B3GALT1: variants seen among roughly 807,000 people sequenced by gnomAD.
B3GALT1 encodes UDP-Gal:betaGlcNAc beta 1,3-galactosyltransferase, polypeptide 1.
A neutral mutation model predicts 23.2 loss-of-function variants in B3GALT1; 10 were observed. The observed-to-expected ratio is 0.43, with a 90% CI of 0.27 to 0.73. The LOEUF (loss-of-function observed/expected upper bound fraction) is 0.73. Among genes scored for constraint, B3GALT1 ranks in the 30% least tolerant of loss-of-function variants. The pLI, the probability that B3GALT1 is intolerant of heterozygous loss-of-function variation, is 0.21. For missense variants in B3GALT1, 299 were observed against 405.4 expected, an observed-to-expected ratio of 0.74 and a Z score of 2.25; for synonymous variants, 156 against 141.5, an observed-to-expected ratio of 1.10 and a Z score of -0.73.
chr2:167,613,487 A>G (rs1456581593), intron 2 of B3GALT1, among the ~76,000 whole-genome samples: 1 of 151,544 alleles, frequency 6.6e-6, no homozygotes, highest in East Asian at 1.9e-4. Flanking sequence ...GAAACAAAAC[A>G]TATGAAAACC....
chr2:167,717,275 A>G (rs1230047172), intron 3 of B3GALT1, among the ~76,000 whole-genome samples: 1 of 148,076 alleles, frequency 6.8e-6, no homozygotes, highest in African/African-American at 2.5e-5. Flanking sequence ...ATTAACTCCA[A>G]TATCTGGATT....
chr2:167,303,366 C>G (rs1192520459), intron 1 of B3GALT1, among the ~76,000 whole-genome samples: 1 of 152,150 alleles, frequency 6.6e-6, no homozygotes, highest in African/African-American at 2.4e-5. Flanking sequence ...GGTAACCACT[C>G]CTACCAGTTT....
chr2:167,864,982 G>A (rs983469981), intron 4 of B3GALT1, among the ~76,000 whole-genome samples: 2 of 151,932 alleles, frequency 1.3e-5, no homozygotes, highest in East Asian at 1.9e-4. Context: ...AAAAAAAGGT[G>A]TTTATAAACT....
intron 3 of B3GALT1, among the ~76,000 whole-genome samples, chr2:167,797,101 T>C (rs1688557043): frequency 6.6e-6 from 1 of 152,128 alleles, no homozygotes; most frequent in Admixed American, 6.6e-5. Context: ...CCAGCATCCA[T>C]TAGCTAATCT....
rs1690289276 is a variant in B3GALT1, at chr2:167,869,029, T to C, written c.-11T>C. 1 of 1,584,794 alleles carries C rather than the reference T, an allele frequency of 6.3e-7. No homozygotes were observed. ...TTCTTCAATATTTGGAATAGACGTG[T>C]TCTCAAGACAATGGCTTCAAAGGTC... On this transcript the variant is annotated 5_prime_UTR_variant, in exon 5 of 5. Transcript: ENST00000392690. This position sits in a 1 kb window ranked among gnomAD's most constrained non-coding sequence, Gnocchi z 6.4.
At chr2:167,584,441 C>G (rs1034201545) in intron 2 of B3GALT1, among the ~76,000 whole-genome samples, 8 of 152,160 alleles carry the variant, frequency 5.3e-5, no homozygotes, top group African/African-American at 1.9e-4. Context: ...TCAGCACAGT[C>G]ATACACTTCT....
intron 3 of B3GALT1, among the ~76,000 whole-genome samples, chr2:167,818,166 T>A (rs188275256): frequency 6.6e-6 from 1 of 152,354 alleles, no homozygotes; most frequent in East Asian, 1.9e-4. Flanking sequence ...CTGTGCAGTT[T>A]TGTTTTATTT....
chr2:167,636,014 C>T (rs1483368777), intron 2 of B3GALT1, among the ~76,000 whole-genome samples: 5 of 151,978 alleles, frequency 3.3e-5, no homozygotes, highest in Admixed American at 6.6e-5. Flanking sequence ...TGGAACAGAA[C>T]AGAGGCTTCA....
chr2:167,650,870 A>G (rs945512118), intron 3 of B3GALT1, among the ~76,000 whole-genome samples: 2 of 152,170 alleles, frequency 1.3e-5, no homozygotes, highest in Non-Finnish European at 2.9e-5. Flanking sequence ...GTAAATCTAA[A>G]TGGAAATATG....
chr2:167,560,897 C>T (rs1321621317), intron 2 of B3GALT1, among the ~76,000 whole-genome samples: 14 of 151,878 alleles, frequency 9.2e-5, no homozygotes, highest in South Asian at 4.2e-4. Context: ...GACAGATCAA[C>T]GAGACAGAAA....
At chr2:167,302,918 A>G (rs1005368927) in intron 1 of B3GALT1, among the ~76,000 whole-genome samples, 1 of 152,212 alleles carries the variant, frequency 6.6e-6, no homozygotes, top group Non-Finnish European at 1.5e-5. Flanking sequence ...AACTGAAAGA[A>G]GAACAAAGGG....
chr2:167,608,302 A>G (rs1235645601), intron 2 of B3GALT1, among the ~76,000 whole-genome samples: 1 of 152,288 alleles, frequency 6.6e-6, no homozygotes, highest in East Asian at 1.9e-4. Context: ...TTTCTGTCCC[A>G]CGGGAGGCAT....
intron 1 of B3GALT1, among the ~76,000 whole-genome samples, chr2:167,354,554 C>T (rs1264473338): frequency 1.3e-5 from 2 of 152,168 alleles, no homozygotes; most frequent in South Asian, 4.2e-4. Context: ...ACCATGTTGG[C>T]CAGGATGGTC....
intron 2 of B3GALT1, among the ~76,000 whole-genome samples, chr2:167,495,793 A>G (rs1256547764): frequency 1.3e-5 from 2 of 152,194 alleles, no homozygotes; most frequent in South Asian, 2.1e-4. Context: ...GGGAAGGCCT[A>G]TGTAATCCAT....
intron 2 of B3GALT1, among the ~76,000 whole-genome samples, chr2:167,603,447 T>A (rs1684908268): frequency 6.6e-6 from 1 of 152,206 alleles, no homozygotes; most frequent in African/African-American, 2.4e-5. Flanking sequence ...ATTAGTATCC[T>A]GGTATCCATC....
intron 4 of B3GALT1, among the ~76,000 whole-genome samples, chr2:167,866,335 C>A (rs1048679256): frequency 6.6e-6 from 1 of 152,180 alleles, no homozygotes; most frequent in Non-Finnish European, 1.5e-5. Context: ...TTCCAGTAGC[C>A]TCCTAATGTA....
intron 2 of B3GALT1, among the ~76,000 whole-genome samples, chr2:167,642,728 A>C (rs1412856384): frequency 6.6e-6 from 1 of 152,066 alleles, no homozygotes; most frequent in Non-Finnish European, 1.5e-5. Context: ...TTATATATTT[A>C]CTTGTTGAGT....
chr2:167,823,829 T>TA (rs1303237576), intron 4 of B3GALT1, among the ~76,000 whole-genome samples: 1 of 152,260 alleles, frequency 6.6e-6, no homozygotes, highest in African/African-American at 2.4e-5. Context: ...ATAAGAATGA[T>TA]AATACTGGCT....
chr2:167,478,274 A>G (rs1407821719), intron 1 of B3GALT1, among the ~76,000 whole-genome samples: 1 of 152,130 alleles, frequency 6.6e-6, no homozygotes, highest in Admixed American at 6.6e-5. Flanking sequence ...CTAAACACCA[A>G]CCCACTTCAC....
Sources: gnomAD v4.1 joint callset for allele counts (sites outside exome capture counted in the v4.1 genomes callset) on GRCh38, gnomAD v4.1.1 for gene constraint, Gnocchi (gnomAD v3.1) non-coding constraint, MANE v1.5 for transcripts, NCBI Gene and HGNC (gene_info 2026-07-23, HGNC 2026-07-21) for gene names.